The following DIAPH3 variants were observed in gnomAD, a reference collection of about 807,000 sequenced individuals.
DIAPH3 encodes the protein protein diaphanous homolog 3.
In DIAPH3, 117 loss-of-function variants were observed where a neutral mutation model predicts 144.3. The ratio of observed to expected loss-of-function variants is 0.81; its 90% CI spans 0.70 to 0.95. The LOEUF is 0.95. DIAPH3 is among the 40% of genes least tolerant of loss of function. The pLI, the probability that DIAPH3 is intolerant of heterozygous loss-of-function variation, is 0.00. For missense variants in DIAPH3, 1,421 were observed against 1,412.7 expected, an observed-to-expected ratio of 1.01 and a Z score of -0.09; for synonymous variants, 519 against 488.9, an observed-to-expected ratio of 1.06 and a Z score of -0.81.
intron 27 of DIAPH3, among the ~76,000 whole-genome samples, chr13:59,754,511 T>C (rs1397590422): frequency 6.6e-6 from 1 of 152,184 alleles, no homozygotes; most frequent in Non-Finnish European, 1.5e-5. Flanking sequence ...AGTAACCAAC[T>C]TGTAGACAGA....
Position 59,969,985 on chromosome 13 carries a change from A to G in DIAPH3, c.2033T>C (p.Leu678Ser). 2 of 1,610,274 alleles carry G rather than the reference A, an allele frequency of 1.2e-6. No individual in the cohort carries two copies. The highest frequency in any genetic ancestry group is 1.7e-6 in the Non-Finnish European group (2 of 1,177,822). Residue 678 changes from leucine (L) to serine (S), a missense_variant, in exon 17 of 28, where the codon TTG becomes TCG. Transcript: ENST00000400324. ...AAATGTATTCTCAAGTTTACAAAGC[A>G]AATCCACGTTTTCATACTTATTTTC... is the stretch of plus-strand genomic sequence containing the variant. ...VNENKYENVD[L>S]LCKLENTFCC...
intron 2 of DIAPH3, among the ~76,000 whole-genome samples, chr13:60,116,569 G>C (rs971133994): frequency 6.6e-6 from 1 of 151,416 alleles, no homozygotes; most frequent in African/African-American, 2.4e-5. Flanking sequence ...AACTATTCTG[G>C]TTCTTTACAT....
chr13:59,667,548 T>G (rs1170353620), intron 27 of DIAPH3, among the ~76,000 whole-genome samples: 1 of 152,244 alleles, frequency 6.6e-6, no homozygotes, highest in Admixed American at 6.5e-5. Context: ...AGTCGATTAT[T>G]TTCCTTTAAA....
chr13:60,153,917 A>G (rs578098247), intron 1 of DIAPH3, among the ~76,000 whole-genome samples: 3 of 152,172 alleles, frequency 2.0e-5, no homozygotes, highest in Admixed American at 2.0e-4. Context: ...TTTGTACCCC[A>G]AGTTTCATCA....
Position 59,992,125 on chromosome 13 carries a change from T to A in DIAPH3, c.1187A>T (p.Lys396Ile). Residue 396 changes from lysine (K) to isoleucine (I), a missense_variant, in exon 11 of 28, where the codon AAA becomes ATA. By Grantham distance (102) the Lys-to-Ile change is moderately radical (BLOSUM62 -3). Transcript: ENST00000400324. ...GGATAACTCAAACAAATCTTCTTCTTTATGCTCATCAAAGACTTTAAGTTG... is the reference window on the plus strand; with the variant it reads ...GGATAACTCAAACAAATCTTCTTCTATATGCTCATCAAAGACTTTAAGTTG... ...DIQLKVFDEH[K>I]EEDLFELSHR... 1.2e-6 allele frequency: 2 copies of A among 1,612,036 alleles called. No individual in the cohort carries two copies. Among genetic ancestry groups the A allele is most frequent in the Non-Finnish European group, 1.7e-6 (2 of 1,178,812 alleles).
intron 24 of DIAPH3, among the ~76,000 whole-genome samples, chr13:59,827,437 C>T (rs960937701): frequency 1.1e-4 from 16 of 151,784 alleles, no homozygotes; most frequent in Admixed American, 3.3e-4. Flanking sequence ...ATAGATTACC[C>T]GTAAGGAGTT....
intron 20 of DIAPH3, among the ~76,000 whole-genome samples, chr13:59,883,178 A>G (rs2045199491): frequency 6.6e-6 from 1 of 152,182 alleles, no homozygotes; most frequent in Admixed American, 6.5e-5. Flanking sequence ...TTATCGTTGA[A>G]TTCTTTCTGC....
At chr13:60,114,268 T>C (rs12869504) in intron 2 of DIAPH3, among the ~76,000 whole-genome samples, 32,993 of 146,594 alleles carry the variant, frequency 0.23, 3,878 homozygotes, top group South Asian at 0.27. Flanking sequence ...AAGTCACAGA[T>C]TAAGAAAAAA....
chr13:60,072,846 C>A (rs9563783), intron 4 of DIAPH3, among the ~76,000 whole-genome samples: 9,936 of 152,170 alleles, frequency 0.065, 476 homozygotes, highest in East Asian at 0.28. Context: ...TTATTCTTCA[C>A]AACAACCATT....
At chr13:59,796,277 C>T (rs1043988904) in intron 25 of DIAPH3, among the ~76,000 whole-genome samples, 3 of 152,164 alleles carry the variant, frequency 2.0e-5, no homozygotes, top group Non-Finnish European at 2.9e-5. Flanking sequence ...ACCTCGATCA[C>T]GGGAGGCCAC....
chr13:59,759,770 C>A (rs1800471019), intron 27 of DIAPH3, among the ~76,000 whole-genome samples: 1 of 151,846 alleles, frequency 6.6e-6, no homozygotes, highest in Admixed American at 6.6e-5. Flanking sequence ...ATGGTGACAC[C>A]CCATCTCTAC....
intron 3 of DIAPH3, among the ~76,000 whole-genome samples, chr13:60,106,275 C>G (rs151040927): frequency 6.6e-6 from 1 of 151,990 alleles, no homozygotes; most frequent in South Asian, 2.1e-4. Flanking sequence ...CAGAAACAAA[C>G]CCACATGTGC....
At chr13:60,158,894 C>G (rs1156853005) in intron 1 of DIAPH3, among the ~76,000 whole-genome samples, 1 of 139,982 alleles carries the variant, frequency 7.1e-6, no homozygotes, top group South Asian at 2.4e-4. Flanking sequence ...GTTGCTCCTG[C>G]CTGGCCCCTC....
chr13:60,058,563 C>T (rs932027921), intron 4 of DIAPH3, among the ~76,000 whole-genome samples: 10 of 151,904 alleles, frequency 6.6e-5, no homozygotes, highest in African/African-American at 1.7e-4. Context: ...CACCTGGACA[C>T]GTATGTTTAT....
chr13:59,842,326 T>G (rs1051420191), intron 22 of DIAPH3, among the ~76,000 whole-genome samples: 12 of 152,134 alleles, frequency 7.9e-5, no homozygotes, highest in African/African-American at 2.9e-4. Flanking sequence ...CATGTCAAAT[T>G]AGCAAAAGAT....
At chr13:60,125,427 G>T (rs2058965151) in intron 2 of DIAPH3, among the ~76,000 whole-genome samples, 1 of 99,744 alleles carries the variant, frequency 1.0e-5, no homozygotes, top group Non-Finnish European at 2.0e-5. Context: ...TTTTGGTAGA[G>T]ACAGGGTCTC....
chr13:59,890,189 G>C lies in DIAPH3; in HGVS notation c.2368-10721C>G, dbSNP rs539912261. 7.9e-5 allele frequency among the ~76,000 whole-genome samples: 12 copies of C among 152,120 alleles called. No individual in the cohort carries two copies. In the East Asian group the frequency reaches 1.9e-3, roughly 25 times the overall value. On this transcript the variant is annotated intron_variant, in intron 20 of 27. Transcript: ENST00000400324. ...AAGGGAGATACCCACGTGGACTACT[G>C]GAGTTCCTTTCTGCACAATTCCTTC...
In DIAPH3 at chr13:59,689,942, A is replaced by C. The variant is rs137871591; in HGVS notation, c.3320-23096T>G. ...GTTGCTACTCTATCCAAATAATGTT[A>C]AACACAGACATCCAGATTAAAAGAA... On this transcript the variant is annotated intron_variant, in intron 27 of 27. Coordinates refer to ENST00000400324, the MANE Select transcript of DIAPH3 (RefSeq NM_001042517.2). Among the ~76,000 whole-genome samples, 524 of 152,166 alleles carry C rather than the reference A, an allele frequency of 3.4e-3. 3 individuals carry two copies. Among genetic ancestry groups the C allele is most frequent in the South Asian group, 0.031 (150 of 4,824 alleles).
rs2053835917 is a variant in DIAPH3 at position 60,018,988 on chromosome 13, C to T, written c.627-2843G>A. Among the ~76,000 whole-genome samples the T allele has an allele frequency of 2.6e-5, 4 of 152,146 alleles. No homozygotes were observed. The South Asian group carries it at 8.3e-4, about 32-fold the overall frequency. ...CATACTGTTGTATTAACAGGTGTCA[C>T]TCACAAAGCAATAATCTCAAGTGTT... On this transcript the variant is annotated intron_variant, in intron 5 of 27. Coordinates refer to ENST00000400324, the MANE Select transcript of DIAPH3 (RefSeq NM_001042517.2).
Sources: gnomAD v4.1 joint callset for allele counts (sites outside exome capture counted in the v4.1 genomes callset) on GRCh38, gnomAD v4.1.1 for gene constraint, MANE v1.5 for transcripts, NCBI Gene and HGNC (gene_info 2026-07-23, HGNC 2026-07-21) for gene names.